The following SGCZ variants were observed in gnomAD, a reference collection of about 807,000 sequenced individuals.
SGCZ encodes the protein sarcoglycan zeta.
A neutral mutation model predicts 41.3 loss-of-function variants in SGCZ; 40 were observed. The observed-to-expected ratio is 0.97, with a 90% CI of 0.75 to 1.26. The LOEUF (loss-of-function observed/expected upper bound fraction) is 1.26. SGCZ is among the 50% of genes most tolerant of loss of function. The probability of loss-of-function intolerance (pLI) is 0.00; values close to 1 mark genes in which losing one functional copy is unlikely to be tolerated. For synonymous variants in SGCZ, 206 were observed against 137.5 expected (o/e 1.50, Z -3.49); for missense variants, 552 against 369.8 (o/e 1.49, Z -4.04).
chr8:14,359,815 G>GAA (rs1258410378), intron 2 of SGCZ, among the ~76,000 whole-genome samples: 10,696 of 109,326 alleles, frequency 0.098, 1,299 homozygotes, highest in African/African-American at 0.31. Flanking sequence ...TACAAAAAAA[G>GAA]AAAAAAAAAA....
intron 1 of SGCZ, among the ~76,000 whole-genome samples, chr8:15,126,557 T>G (rs934127989): frequency 2.0e-5 from 3 of 152,158 alleles, no homozygotes; most frequent in Non-Finnish European, 4.4e-5. Context: ...AAATTCATCA[T>G]GGAAGAACTG....
At chr8:14,656,096 T>C (rs189552437) in intron 1 of SGCZ, among the ~76,000 whole-genome samples, 42 of 152,172 alleles carry the variant, frequency 2.8e-4, no homozygotes, top group East Asian at 1.9e-3. Context: ...ACGTTGTTTT[T>C]ATTTCCCCAG....
chr8:14,760,918 C>G (rs1799850815), intron 1 of SGCZ, among the ~76,000 whole-genome samples: 1 of 152,134 alleles, frequency 6.6e-6, no homozygotes, highest in African/African-American at 2.4e-5. Flanking sequence ...GCAAAGGTCT[C>G]AGAAGCTCAA....
At chr8:15,094,101 T>C (rs954507798) in intron 1 of SGCZ, among the ~76,000 whole-genome samples, 4 of 151,994 alleles carry the variant, frequency 2.6e-5, no homozygotes, top group African/African-American at 9.6e-5. Context: ...GGATGGAGAG[T>C]GATACGGCAG....
At chr8:14,487,455 T>C (rs922982863) in intron 2 of SGCZ, among the ~76,000 whole-genome samples, 2 of 152,262 alleles carry the variant, frequency 1.3e-5, no homozygotes, top group African/African-American at 4.8e-5. Flanking sequence ...TACTTTATGA[T>C]TACTTGTTTC....
rs985156930 is a variant in SGCZ, at chr8:15,217,183, C to T, written c.39+20402G>A. On this transcript the variant is annotated intron_variant, in intron 1 of 7. Coordinates refer to ENST00000382080, the MANE Select transcript of SGCZ (RefSeq NM_139167.4). ...CTGTAATCCCAGCACTTTGGGAGGC[C>T]GAGGCGGGCGGATCACGAGGTCAGG... 5.3e-5 allele frequency among the ~76,000 whole-genome samples: 8 copies of T among 151,846 alleles called. No individual in the cohort carries two copies. The South Asian group carries it at 1.0e-3, about 20-fold the overall frequency.
intron 1 of SGCZ, among the ~76,000 whole-genome samples, chr8:14,742,230 T>A (rs1232136686): frequency 2.0e-5 from 3 of 152,024 alleles, no homozygotes; most frequent in Non-Finnish European, 4.4e-5. Context: ...GTGCAGGCAT[T>A]TAAACACTGA....
chr8:14,766,726 T>A (rs919560369), intron 1 of SGCZ, among the ~76,000 whole-genome samples: 1 of 97,232 alleles, frequency 1.0e-5, no homozygotes, highest in African/African-American at 4.9e-5. Context: ...CATGTCCAGC[T>A]ATTTTTTTTT....
chr8:14,486,908 C>T (rs917873230), intron 2 of SGCZ, among the ~76,000 whole-genome samples: 10 of 152,160 alleles, frequency 6.6e-5, no homozygotes, highest in African/African-American at 2.2e-4. Flanking sequence ...TGGAATCTAA[C>T]AGAATCCTGA....
intron 1 of SGCZ, among the ~76,000 whole-genome samples, chr8:14,564,843 T>C (rs1456610686): frequency 2.0e-5 from 3 of 152,304 alleles, no homozygotes; most frequent in Admixed American, 1.3e-4. Context: ...TAAAGCCTAC[T>C]TACCACGGCA....
chr8:15,193,828 T>C (rs975787096), intron 1 of SGCZ, among the ~76,000 whole-genome samples: 1 of 152,148 alleles, frequency 6.6e-6, no homozygotes, highest in Admixed American at 6.5e-5. Flanking sequence ...AAGCAGAGAA[T>C]CACAAACCAC....
chr8:14,408,059 A>G (rs1193933097), intron 2 of SGCZ, among the ~76,000 whole-genome samples: 1 of 152,180 alleles, frequency 6.6e-6, no homozygotes, highest in African/African-American at 2.4e-5. Flanking sequence ...GATTGATTTG[A>G]ATTAATGGGA....
chr8:14,604,484 G>A (rs1303525760), intron 1 of SGCZ, among the ~76,000 whole-genome samples: 1 of 152,060 alleles, frequency 6.6e-6, no homozygotes. Flanking sequence ...TGAGACATAG[G>A]CATACTCTTG....
intron 1 of SGCZ, among the ~76,000 whole-genome samples, chr8:14,794,854 C>A (rs1232909304): frequency 6.6e-6 from 1 of 152,174 alleles, no homozygotes; most frequent in Non-Finnish European, 1.5e-5. Flanking sequence ...AGGAACACTA[C>A]AGCATCTCTA....
chr8:14,438,511 T>C (rs917414403), intron 2 of SGCZ, among the ~76,000 whole-genome samples: 1 of 151,978 alleles, frequency 6.6e-6, no homozygotes. Flanking sequence ...TTCAATTCTA[T>C]TCTAGACTTG....
At chr8:14,514,710 T>C (rs1802562371) in intron 2 of SGCZ, among the ~76,000 whole-genome samples, 1 of 148,824 alleles carries the variant, frequency 6.7e-6, no homozygotes, top group East Asian at 2.0e-4. Context: ...TGTACACACA[T>C]TTACATATAT....
chr8:14,888,561 T>A (rs953236391), intron 1 of SGCZ, among the ~76,000 whole-genome samples: 1 of 152,182 alleles, frequency 6.6e-6, no homozygotes, highest in African/African-American at 2.4e-5. Flanking sequence ...CCTTATTGTA[T>A]TCTTGAAAGA....
intron 1 of SGCZ, among the ~76,000 whole-genome samples, chr8:14,800,057 C>G (rs2246792): frequency 6.6e-6 from 1 of 151,884 alleles, no homozygotes; most frequent in Non-Finnish European, 1.5e-5. Context: ...ATTCCAAAAC[C>G]ATTATGTACT....
chr8:14,265,516 A>G (rs1365919186), intron 3 of SGCZ, among the ~76,000 whole-genome samples: 1 of 152,138 alleles, frequency 6.6e-6, no homozygotes, highest in Admixed American at 6.5e-5. Context: ...AAAATAGACA[A>G]TTCAGATGTT....
Sources: allele counts gnomAD v4.1 joint callset (sites outside exome capture counted in the v4.1 genomes callset), GRCh38; gene constraint gnomAD v4.1.1; transcripts MANE v1.5; gene names NCBI Gene and HGNC (gene_info 2026-07-23, HGNC 2026-07-21).